The following COL28A1 variants were observed in gnomAD, a reference collection of about 807,000 sequenced individuals.
The protein encoded by COL28A1 is collagen alpha-1(XXVIII) chain.
In COL28A1, 161 loss-of-function variants were observed where a neutral mutation model predicts 150.2. The ratio of observed to expected loss-of-function variants is 1.07; its 90% CI spans 0.94 to 1.22. The LOEUF (loss-of-function observed/expected upper bound fraction) is 1.22, where lower values mean the gene tolerates loss of function less well. COL28A1 is among the 50% of genes most tolerant of loss of function. The pLI, the probability that COL28A1 is intolerant of heterozygous loss-of-function variation, is 0.00. For synonymous variants in COL28A1, 552 were observed against 469.7 expected (o/e 1.18, Z -2.26); for missense variants, 1,617 against 1,388.3 (o/e 1.16, Z -2.62).
intron 4 of COL28A1, chr7:7,522,177 G>A: frequency 1.7e-6 from 1 of 580,766 alleles, no homozygotes; most frequent in South Asian, 1.9e-5. Flanking sequence ...AATTATTCCA[G>A]GCAAATTTAT....
Position 7,531,521 on chromosome 7 carries a change from C to T in COL28A1, c.508G>A (p.Asp170Asn), listed in dbSNP as rs1227415022. 4 of 1,612,132 alleles carry T rather than the reference C, an allele frequency of 2.5e-6. No homozygotes were observed. The highest frequency in any genetic ancestry group is 3.4e-6 in the Non-Finnish European group (4 of 1,178,440). The change falls in exon 3 of 35, where the codon GAT (aspartate) becomes AAT (asparagine). Residue 170 changes from aspartate (D) to asparagine (N), a missense_variant. Transcript: ENST00000399429. ...GCATCTTCAGAAATACTTTGAACATCTGGATTCTTTGGATGGTCGATGCCA... is the reference window on the plus strand; with the variant it reads ...GCATCTTCAGAAATACTTTGAACATTTGGATTCTTTGGATGGTCGATGCCA... ...TDGIDHPKNP[D>N]VQSISEDARI...
In COL28A1 at chr7:7,358,751, C is replaced by G; in HGVS notation, c.3260G>C (p.Arg1087Pro). 6.2e-7 allele frequency: 1 copy of G among 1,613,948 alleles called. No individual in the cohort carries two copies. The highest frequency in any genetic ancestry group is 8.5e-7 in the Non-Finnish European group (1 of 1,179,916). Residue 1087 changes from arginine to proline, a missense_variant, in exon 35 of 35, where the codon CGA becomes CCA. Transcript: ENST00000399429. ...KPGNCGEYVVRWYYDKQVNSC... is the reference protein window; with the variant it reads ...KPGNCGEYVVPWYYDKQVNSC... ...GTTGACCTGTTTGTCATAATACCAT[C>G]GAACCACATATTCACCACAGTTTCC...
intron 27 of COL28A1, among the ~76,000 whole-genome samples, chr7:7,408,830 T>C (rs1199355474): frequency 6.6e-6 from 1 of 152,194 alleles, no homozygotes; most frequent in Non-Finnish European, 1.5e-5. Flanking sequence ...CATCTCCATG[T>C]GTCAACTTTA....
At chr7:7,520,243 G>A in intron 5 of COL28A1, 128 bp from the exon 6 acceptor site, 1 of 533,198 alleles carries the variant, frequency 1.9e-6, no homozygotes. Flanking sequence ...CTGCCAAGCA[G>A]AAATTCAATT....
chr7:7,436,814 C>T (rs182577613), intron 22 of COL28A1, among the ~76,000 whole-genome samples: 100 of 152,282 alleles, frequency 6.6e-4, no homozygotes, highest in Non-Finnish European at 1.1e-3. Context: ...CCAAGGCAGG[C>T]GGGTCACTTG....
Position 7,461,352 on chromosome 7 carries a change from C to T in COL28A1, c.1303-5240G>A, listed in dbSNP as rs76188924. On this transcript the variant is annotated intron_variant, in intron 15 of 34. Coordinates refer to ENST00000399429, the MANE Select transcript of COL28A1 (RefSeq NM_001037763.3). ...GGGGAAGGAAACCTCCAACTGAATT[C>T]TGTAATAATTTCAACAGATTGAGAA... 6.4e-3 allele frequency among the ~76,000 whole-genome samples: 973 copies of T among 152,206 alleles called. 7 individuals carry two copies. The highest frequency in any genetic ancestry group is 0.022 in the East Asian group (114 of 5,178).
At chr7:7,366,719 G>T (rs1041236658) in intron 33 of COL28A1, among the ~76,000 whole-genome samples, 1 of 152,174 alleles carries the variant, frequency 6.6e-6, no homozygotes, top group African/African-American at 2.4e-5. Context: ...GTGTCTTAAG[G>T]GAGTGACAGA....
intron 27 of COL28A1, among the ~76,000 whole-genome samples, chr7:7,406,385 A>G (rs1274458255): frequency 6.6e-6 from 1 of 152,210 alleles, no homozygotes; most frequent in Admixed American, 6.5e-5. Flanking sequence ...CATTCAACAA[A>G]TATTTATTAA....
chr7:7,490,540 C>A (rs529028003), intron 12 of COL28A1, 38 bp downstream of exon 12: 2 of 895,206 alleles, frequency 2.2e-6, no homozygotes, highest in African/African-American at 1.6e-5. Context: ...ACAATAAATT[C>A]AACAGTCATC....
chr7:7,498,208 A>G (rs1466874839), intron 11 of COL28A1, among the ~76,000 whole-genome samples: 1 of 152,156 alleles, frequency 6.6e-6, no homozygotes, highest in African/African-American at 2.4e-5. Flanking sequence ...CATTATATAT[A>G]ACAAAATCTG....
chr7:7,477,144 C>T lies in COL28A1; in HGVS notation c.1201G>A (p.Gly401Ser). The change falls in exon 14 of 35, where the codon GGC becomes AGC. Residue 401 changes from glycine to serine, a missense_variant. Gly to Ser is a moderately conservative substitution (Grantham distance 56). Coordinates refer to ENST00000399429, the MANE Select transcript of COL28A1 (RefSeq NM_001037763.3). The part of the protein sequence containing the change: ...RGPEGVPGER[G>S]LPGEGFPGPK... Reference sequence around the variant, plus strand: ...CCTGGAAATCCTTCTCCGGGTAAGCCCCTCTCTCCTGGTACTCCCTCAGGA... The same window carrying T: ...CCTGGAAATCCTTCTCCGGGTAAGCTCCTCTCTCCTGGTACTCCCTCAGGA... 7.4e-7 allele frequency: 1 copy of T among 1,355,334 alleles called. No individual in the cohort carries two copies. The highest frequency in any genetic ancestry group is 1.2e-5 in the South Asian group (1 of 85,886). 84.0% of individuals were successfully genotyped at this position (1,355,334 alleles called of 1,614,324 possible). A position where few individuals can be genotyped will look rare whatever the true frequency, so the allele number is the denominator to read the frequency against.
At chr7:7,497,092 A>AAAAAG (rs1562834195) in intron 11 of COL28A1, among the ~76,000 whole-genome samples, 6 of 98,228 alleles carry the variant, frequency 6.1e-5, no homozygotes, top group Non-Finnish European at 1.3e-4. Flanking sequence ...AAAGGAAGGA[A>AAAAAG]GAAAGGAAGG....
intron 25 of COL28A1, among the ~76,000 whole-genome samples, chr7:7,425,857 G>T (rs766615127): frequency 2.0e-5 from 3 of 152,142 alleles, no homozygotes; most frequent in Non-Finnish European, 4.4e-5. Flanking sequence ...TTTCAAGGTG[G>T]AGCAGTGACA....
chr7:7,432,060 C>A (rs935216003), intron 25 of COL28A1, among the ~76,000 whole-genome samples: 3 of 152,076 alleles, frequency 2.0e-5, no homozygotes, highest in African/African-American at 7.2e-5. Context: ...AGAGGGGATA[C>A]ATGGTAGGAA....
At chr7:7,415,840 T>C (rs933496787) in intron 27 of COL28A1, among the ~76,000 whole-genome samples, 3 of 152,096 alleles carry the variant, frequency 2.0e-5, no homozygotes, top group Non-Finnish European at 4.4e-5. Flanking sequence ...TCTCACTCTG[T>C]CATCCAGGCT....
chr7:7,375,802 G>A (rs1320866044), intron 30 of COL28A1, among the ~76,000 whole-genome samples: 1 of 152,094 alleles, frequency 6.6e-6, no homozygotes, highest in Non-Finnish European at 1.5e-5. Context: ...GCTATGGTAT[G>A]GATTAATCAA....
intron 27 of COL28A1, among the ~76,000 whole-genome samples, chr7:7,390,631 T>C (rs1782484703): frequency 6.6e-6 from 1 of 152,186 alleles, no homozygotes; most frequent in Non-Finnish European, 1.5e-5. Flanking sequence ...TTGGGCTTTT[T>C]TTGCTTGGTA....
At chr7:7,362,126 C>T (rs1454176706) in intron 33 of COL28A1, among the ~76,000 whole-genome samples, 1 of 152,102 alleles carries the variant, frequency 6.6e-6, no homozygotes, top group Non-Finnish European at 1.5e-5. Flanking sequence ...ACGTGTATAC[C>T]TATGTAACAA....
chr7:7,543,252 T>C, the COL28A1 span, among the ~76,000 whole-genome samples: 2 of 152,222 alleles, frequency 1.3e-5, no homozygotes, highest in Non-Finnish European at 2.9e-5. Flanking sequence ...GGCATTTTCC[T>C]CTTCTTGAAC....
Sources: gnomAD v4.1 joint callset for allele counts (sites outside exome capture counted in the v4.1 genomes callset) on GRCh38, gnomAD v4.1.1 for gene constraint, MANE v1.5 for transcripts, NCBI Gene and HGNC (gene_info 2026-07-23, HGNC 2026-07-21) for gene names.